LRP1B: variants seen among roughly 807,000 people sequenced by gnomAD.
LRP1B encodes LDL receptor related protein 1B, also known as low-density lipoprotein receptor-related protein 1B.
Under a neutral mutation model 556.6 loss-of-function variants are expected in LRP1B, and 217 were observed. The observed-to-expected ratio is 0.39, with a 90% CI of 0.35 to 0.44. The LOEUF (loss-of-function observed/expected upper bound fraction) is 0.44. LRP1B is among the 20% of genes least tolerant of loss of function. LRP1B has a pLI of 1.00. For missense variants in LRP1B, 5,053 were observed against 5,620.8 expected (o/e 0.90, Z 3.23); for synonymous variants, 2,047 against 1,865.8 (o/e 1.10, Z -2.50).
At chr2:140,833,449 C>T (rs953210336) in intron 31 of LRP1B, among the ~76,000 whole-genome samples, 4 of 152,102 alleles carry the variant, frequency 2.6e-5, no homozygotes, top group African/African-American at 9.7e-5. Context: ...TAAAATCTTA[C>T]GTGTTTTTAT....
intron 35 of LRP1B, among the ~76,000 whole-genome samples, chr2:140,743,003 T>C (rs1447139441): frequency 6.6e-6 from 1 of 152,060 alleles, no homozygotes; most frequent in African/African-American, 2.4e-5. Context: ...TAATTAAAAA[T>C]AAGACAAAGA....
chr2:140,879,494 T>A (rs1423022285), intron 25 of LRP1B, among the ~76,000 whole-genome samples: 2 of 152,138 alleles, frequency 1.3e-5, no homozygotes, highest in African/African-American at 4.8e-5. Context: ...ATAAATAACA[T>A]GTTATAGAAT....
At chr2:140,890,966 G>A (rs1048892323) in intron 23 of LRP1B, among the ~76,000 whole-genome samples, 4 of 152,094 alleles carry the variant, frequency 2.6e-5, no homozygotes, top group African/African-American at 9.6e-5. Flanking sequence ...AATATGTGAA[G>A]TAGCCATCCA....
intron 3 of LRP1B, among the ~76,000 whole-genome samples, chr2:141,275,575 T>A (rs983625084): frequency 6.6e-6 from 1 of 152,062 alleles, no homozygotes; most frequent in African/African-American, 2.4e-5. Flanking sequence ...CTGGGCATGG[T>A]GGTGCATGTC....
rs149427515 is a variant in LRP1B at position 140,501,687 on chromosome 2, C to G, written c.8850G>C (p.Lys2950Asn). The change falls in exon 55 of 91, where the codon AAG becomes AAC. Residue 2950 changes from lysine to asparagine, a missense_variant and splice_region_variant. Around this residue, in one of 5 missense-constraint regions of LRP1B, gnomAD observed 3,619 missense variants for 3,931.9 expected, o/e 0.92. Transcript: ENST00000389484. ...TTTGCTACTTTTGATGAGTACCTAC[C>G]TTATAACTGACCGGAAGGTCTTGAC... ...QDCQDLPVSYKCKCWPGFQLK... is the reference protein window; with the variant it reads ...QDCQDLPVSYNCKCWPGFQLK... The G allele has an allele frequency of 1.2e-6, 2 of 1,607,796 alleles. No homozygotes were observed. Among genetic ancestry groups the G allele is most frequent in the Non-Finnish European group, 1.7e-6 (2 of 1,176,424 alleles).
rs80297074 is a variant in LRP1B at position 140,703,637 on chromosome 2, C to A, written c.6024-1084G>T. On this transcript the variant is annotated intron_variant, in intron 37 of 90. Coordinates refer to ENST00000389484, the MANE Select transcript of LRP1B (RefSeq NM_018557.3). ...CTAGTTCTTAGAAGTTATATGGCAC[C>A]TAAATAGTCAACATAGTACCTAATG... Among the ~76,000 whole-genome samples, 838 of 152,164 alleles carry A rather than the reference C, an allele frequency of 5.5e-3. 29 individuals carry two copies. Among genetic ancestry groups the A allele is most frequent in the Admixed American group, 0.046 (696 of 15,268 alleles).
chr2:140,667,579 T>C (rs1226991744), intron 41 of LRP1B, among the ~76,000 whole-genome samples: 1 of 152,236 alleles, frequency 6.6e-6, no homozygotes, highest in East Asian at 1.9e-4. Context: ...CTGGAAACAT[T>C]TGAACACTCC....
intron 1 of LRP1B, among the ~76,000 whole-genome samples, chr2:142,031,744 C>T (rs574811492): frequency 1.3e-5 from 2 of 151,638 alleles, no homozygotes; most frequent in African/African-American, 2.4e-5. Flanking sequence ...TTGAATTGTG[C>T]CCCTGATTTT....
chr2:141,496,147 A>G (rs545025255), intron 2 of LRP1B, among the ~76,000 whole-genome samples: 4 of 152,122 alleles, frequency 2.6e-5, no homozygotes, highest in Admixed American at 1.3e-4. Context: ...CTTCCTTGAT[A>G]TTATTAAACA....
intron 77 of LRP1B, among the ~76,000 whole-genome samples, chr2:140,345,771 T>C (rs1035390450): frequency 3.9e-5 from 5 of 127,392 alleles, no homozygotes; most frequent in African/African-American, 1.3e-4. Flanking sequence ...TATATACACA[T>C]ATATATACAT....
chr2:141,479,286 C>A (rs1240763373), intron 3 of LRP1B, among the ~76,000 whole-genome samples: 1 of 152,124 alleles, frequency 6.6e-6, no homozygotes, highest in Non-Finnish European at 1.5e-5. Flanking sequence ...TGTCAGGCCC[C>A]CAGACAGGTT....
intron 2 of LRP1B, among the ~76,000 whole-genome samples, chr2:141,549,334 C>A (rs1685668562): frequency 6.6e-6 from 1 of 152,062 alleles, no homozygotes; most frequent in Admixed American, 6.6e-5. Context: ...AGTGAGCCCT[C>A]ACTGTTAGCT....
intron 37 of LRP1B, among the ~76,000 whole-genome samples, chr2:140,714,527 T>G (rs1417122319): frequency 6.6e-6 from 1 of 152,154 alleles, no homozygotes; most frequent in African/African-American, 2.4e-5. Flanking sequence ...CTTGTTAAAT[T>G]AAGCTGTATG....
intron 1 of LRP1B, among the ~76,000 whole-genome samples, chr2:142,082,273 G>A (rs965184478): frequency 2.6e-5 from 4 of 151,914 alleles, no homozygotes. Flanking sequence ...CTCACATTTG[G>A]ACTCAACTCC....
At chr2:141,558,996 G>C (rs536759359) in intron 2 of LRP1B, among the ~76,000 whole-genome samples, 32 of 151,280 alleles carry the variant, frequency 2.1e-4, no homozygotes, top group African/African-American at 7.5e-4. Flanking sequence ...TTTAGCCTTA[G>C]GTTATTAATA....
intron 79 of LRP1B, among the ~76,000 whole-genome samples, chr2:140,333,167 C>T (rs1680898024): frequency 6.6e-6 from 1 of 152,008 alleles, no homozygotes; most frequent in Non-Finnish European, 1.5e-5. Flanking sequence ...TCTTAAAAAA[C>T]TCTTTCCTCA....
Position 140,903,007 on chromosome 2 carries a change from C to T in LRP1B, c.3679G>A (p.Val1227Ile), listed in dbSNP as rs554527418. ...YCSNHLKCSQ[V>I]CEQHKHTVKC... ...ACTGTGTGCTTGTGCTGCTCACATA[C>T]TTGGCTGCACTTTAGATGATTGCTA... The change falls in exon 23 of 91, where the codon GTA becomes ATA. Residue 1227 changes from valine to isoleucine, a missense_variant. Transcript: ENST00000389484. 1.4e-5 allele frequency: 22 copies of T among 1,613,762 alleles called. No individual in the cohort carries two copies. The highest frequency in any genetic ancestry group is 3.3e-4 in the Middle Eastern group (2 of 6,062).
chr2:140,393,200 T>C (rs1006187974), intron 66 of LRP1B, among the ~76,000 whole-genome samples: 2 of 151,984 alleles, frequency 1.3e-5, no homozygotes, highest in African/African-American at 4.8e-5. Flanking sequence ...ATTACATTAT[T>C]GGGGAAACAC....
chr2:141,991,539 A>G (rs1229230966), intron 1 of LRP1B, among the ~76,000 whole-genome samples: 1 of 152,076 alleles, frequency 6.6e-6, no homozygotes, highest in Non-Finnish European at 1.5e-5. Context: ...AACTGCACAT[A>G]TATAAGTAAC....
Sources: gnomAD v4.1 joint callset for allele counts (sites outside exome capture counted in the v4.1 genomes callset) on GRCh38, gnomAD v4.1.1 for gene constraint, gnomAD v4.1.1 regional missense constraint, MANE v1.5 for transcripts, NCBI Gene and HGNC (gene_info 2026-07-23, HGNC 2026-07-21) for gene names.